Variants in SDK2 observed in about 807,000 individuals in gnomAD.
SDK2 encodes the protein protein sidekick-2.
Under a neutral mutation model 253.9 loss-of-function variants are expected in SDK2, and 105 were observed. The observed-to-expected ratio is 0.41, with a 90% CI of 0.35 to 0.49. The LOEUF (loss-of-function observed/expected upper bound fraction) is 0.49. SDK2 is among the 20% of genes least tolerant of loss of function. SDK2 has a pLI of 0.06. For synonymous variants in SDK2, 1,249 were observed against 1,234.9 expected (o/e 1.01, Z -0.24); for missense variants, 2,608 against 3,003.0 (o/e 0.87, Z 3.07).
intron 1 of SDK2, among the ~76,000 whole-genome samples, chr17:73,565,729 T>C (rs2045301941): frequency 6.6e-6 from 1 of 152,260 alleles, no homozygotes; most frequent in African/African-American, 2.4e-5. Context: ...GGTGTTTGGG[T>C]AAGGGGGTTC....
chr17:73,614,763 GGGGA>G lies in SDK2; in HGVS notation c.64+29258_64+29261del, dbSNP rs369883806. 4.2e-3 allele frequency among the ~76,000 whole-genome samples: 282 copies of G among 67,104 alleles called. 1 individual carries two copies. Among genetic ancestry groups the G allele is most frequent in the South Asian group, 7.4e-3 (8 of 1,088 alleles). 44.0% of individuals were successfully genotyped at this position (67,104 alleles called of 152,430 possible). On this transcript the variant is annotated intron_variant, in intron 1 of 44. Coordinates refer to ENST00000392650, the MANE Select transcript of SDK2 (RefSeq NM_001144952.2). ...AGGGAGGGGGACAAGGATTGAAAAGGGGGAGGGAGGGAGGGGGACAAGGATTGAA... is the reference window on the plus strand; with the variant it reads ...AGGGAGGGGGACAAGGATTGAAAAGGGGGAGGGAGGGGGACAAGGATTGAA...
chr17:73,390,816 G>C (rs1374331373), intron 28 of SDK2, among the ~76,000 whole-genome samples: 1 of 152,210 alleles, frequency 6.6e-6, no homozygotes, highest in Non-Finnish European at 1.5e-5. Flanking sequence ...AGGTCTTTCT[G>C]GGCTAATGCA....
At chr17:73,598,232 G>A (rs534447849) in intron 1 of SDK2, among the ~76,000 whole-genome samples, 50 of 152,216 alleles carry the variant, frequency 3.3e-4, no homozygotes, top group Non-Finnish European at 6.2e-4. Context: ...GGAGTAGGCC[G>A]GACCCACAGG....
intron 1 of SDK2, among the ~76,000 whole-genome samples, chr17:73,580,304 GC>G (rs1441326705): frequency 1.3e-5 from 2 of 152,368 alleles, no homozygotes; most frequent in African/African-American, 4.8e-5. Flanking sequence ...AGGCTGCAAA[GC>G]CCCCTCTTTT....
chr17:73,556,813 G>A (rs1298327331), intron 1 of SDK2, among the ~76,000 whole-genome samples: 2 of 152,158 alleles, frequency 1.3e-5, no homozygotes, highest in Admixed American at 1.3e-4. Context: ...TTGCTTTTGA[G>A]GGGATTTTCT....
chr17:73,461,813 TTGGATGGTGGGA>T (rs1241486172), intron 3 of SDK2, among the ~76,000 whole-genome samples: 1 of 152,122 alleles, frequency 6.6e-6, no homozygotes, highest in Non-Finnish European at 1.5e-5. Context: ...GTATGTATGT[TTGGATGGTGGGA>T]TGGATGGTTG....
chr17:73,586,206 C>G (rs1373270118), intron 1 of SDK2, among the ~76,000 whole-genome samples: 1 of 152,176 alleles, frequency 6.6e-6, no homozygotes, highest in Non-Finnish European at 1.5e-5. Flanking sequence ...CTCCTTCTCC[C>G]CACCATGCCT....
At chr17:73,522,003 C>T (rs940294211) in intron 1 of SDK2, among the ~76,000 whole-genome samples, 2 of 152,210 alleles carry the variant, frequency 1.3e-5, no homozygotes, top group Admixed American at 6.5e-5. Context: ...GGAGTCGGAA[C>T]TATTCACGGC....
At chr17:73,376,577 C>T (rs768980971) in intron 36 of SDK2, among the ~76,000 whole-genome samples, 3 of 152,252 alleles carry the variant, frequency 2.0e-5, no homozygotes, top group South Asian at 2.1e-4. Context: ...CCACAGTTGC[C>T]GCTCAGGTAC....
intron 37 of SDK2, among the ~76,000 whole-genome samples, chr17:73,367,983 G>A (rs2062699927): frequency 6.6e-6 from 1 of 152,186 alleles, no homozygotes; most frequent in Admixed American, 6.5e-5. Flanking sequence ...GGACCTTGCT[G>A]GTCTCACTGT....
chr17:73,483,636 T>C (rs1247507518), intron 2 of SDK2, among the ~76,000 whole-genome samples: 2 of 49,798 alleles, frequency 4.0e-5, no homozygotes, highest in African/African-American at 1.6e-4. Context: ...TATATGTATA[T>C]ATATATGTGT....
chr17:73,345,051 G>A (rs969657847), intron 44 of SDK2, among the ~76,000 whole-genome samples: 1 of 152,200 alleles, frequency 6.6e-6, no homozygotes, highest in Non-Finnish European at 1.5e-5. Flanking sequence ...GGGTGCGGTG[G>A]CTCACGCCTG....
chr17:73,419,020 C>T (rs8072292), intron 16 of SDK2, 146 bp downstream of exon 16: 599,000 of 844,852 alleles, frequency 0.71, 218,532 homozygotes, highest in Non-Finnish European at 0.76. Flanking sequence ...TCCTTCCTAC[C>T]ACTGAGTAGG....
At chr17:73,420,223 A>G (rs1472361752) in intron 15 of SDK2, among the ~76,000 whole-genome samples, 1 of 152,280 alleles carries the variant, frequency 6.6e-6, no homozygotes, top group Admixed American at 6.5e-5. Context: ...TACTTTTCAC[A>G]TCACGGACAC....
intron 3 of SDK2, 70 bp downstream of exon 3, chr17:73,472,042 G>T (rs1478493116): frequency 8.8e-7 from 1 of 1,139,070 alleles, no homozygotes; most frequent in Non-Finnish European, 1.3e-6. Context: ...CTCTGCCCAG[G>T]ATGTGGCTGG....
rs772683463 is a variant in SDK2, at chr17:73,398,313, T to C, written c.3203+7A>G. The C allele has an allele frequency of 2.5e-6, 4 of 1,613,108 alleles. No homozygotes were observed. Among genetic ancestry groups the C allele is most frequent in the Non-Finnish European group, 3.4e-6 (4 of 1,179,228 alleles). ...CTGCTGCCTTCTCCCCGGGCCAGTCTCATTACCTGTAGCAGGTGAAGGGGT... is the reference window on the plus strand; with the variant it reads ...CTGCTGCCTTCTCCCCGGGCCAGTCCCATTACCTGTAGCAGGTGAAGGGGT... On this transcript the variant is annotated splice_region_variant and intron_variant, in intron 23 of 44. Coordinates refer to ENST00000392650, the MANE Select transcript of SDK2 (RefSeq NM_001144952.2).
At chr17:73,476,847 C>T (rs1334460264) in intron 2 of SDK2, among the ~76,000 whole-genome samples, 1 of 152,186 alleles carries the variant, frequency 6.6e-6, no homozygotes, top group African/African-American at 2.4e-5. Flanking sequence ...GGCCCCCTCC[C>T]CTCCCCCAGG....
At chr17:73,420,249 A>G (rs2063218649) in intron 15 of SDK2, among the ~76,000 whole-genome samples, 1 of 152,246 alleles carries the variant, frequency 6.6e-6, no homozygotes, top group South Asian at 2.1e-4. Flanking sequence ...CACTCCAAAC[A>G]AAAGTTAATT....
At position 73,358,173 on chromosome 17, in the gene SDK2, G is replaced by T; in HGVS notation, c.5499C>A (p.Ile1833=). ...TGGCGATGGCAGAGCTGTACCGCAC[G>T]ATGATGGGCACGCCAGGCGGTCCTG... ...GAPGPPGVPI[I]VRYSSAIAIH... Residue 1833 remains isoleucine (I), a synonymous_variant, in exon 40 of 45, where the codon ATC becomes ATA. Transcript: ENST00000392650. 1 of 1,609,148 alleles carries T rather than the reference G, an allele frequency of 6.2e-7. No homozygotes were observed. The highest frequency in any genetic ancestry group is 8.5e-7 in the Non-Finnish European group (1 of 1,178,558).
Sources: gnomAD v4.1 joint callset for allele counts (sites outside exome capture counted in the v4.1 genomes callset) on GRCh38, gnomAD v4.1.1 for gene constraint, MANE v1.5 for transcripts, NCBI Gene and HGNC (gene_info 2026-07-23, HGNC 2026-07-21) for gene names.